Variants in DMBT1 observed in about 807,000 individuals in gnomAD.
DMBT1 encodes deleted in malignant brain tumors 1.
DMBT1 carries 198 observed loss-of-function variants against 252.9 expected under a neutral mutation model. The ratio of observed to expected loss-of-function variants is 0.78; its 90% CI spans 0.70 to 0.88. The LOEUF (loss-of-function observed/expected upper bound fraction) is 0.88. Ranked by LOEUF, DMBT1 falls within the 40% of genes least tolerant of loss-of-function variation. The pLI, the probability that DMBT1 is intolerant of heterozygous loss-of-function variation, is 0.00. For synonymous variants in DMBT1, 990 were observed against 942.7 expected (o/e 1.05, Z -0.92); for missense variants, 2,432 against 2,404.7 (o/e 1.01, Z -0.24).
chr10:122,585,660 CCCA>C (rs1163167196), intron 15 of DMBT1, among the ~76,000 whole-genome samples: 2 of 148,554 alleles, frequency 1.3e-5, no homozygotes, highest in African/African-American at 2.4e-5. Context: ...AGTGAGTGTC[CCCA>C]CACCTGTCTG....
At chr10:122,624,704 G>C (rs1482052260) in intron 44 of DMBT1, among the ~76,000 whole-genome samples, 10 of 152,194 alleles carry the variant, frequency 6.6e-5, no homozygotes, top group Admixed American at 6.5e-4. Flanking sequence ...CCCAGGAAAT[G>C]CCTGGTTTGA....
At chr10:122,634,478 C>T (rs372831166) in intron 52 of DMBT1, among the ~76,000 whole-genome samples, 43 of 50,132 alleles carry the variant, frequency 8.6e-4, no homozygotes, top group African/African-American at 1.5e-3. Flanking sequence ...CTCTCTCTCT[C>T]TCTTTCTCTC....
At chr10:122,628,119 G>T (rs940039789) in intron 46 of DMBT1, among the ~76,000 whole-genome samples, 3 of 152,286 alleles carry the variant, frequency 2.0e-5, no homozygotes, top group East Asian at 3.9e-4. Flanking sequence ...GTGGCTCCTC[G>T]AAAGGTTAGA....
chr10:122,618,911 G>A (rs538291415), intron 41 of DMBT1, among the ~76,000 whole-genome samples: 2 of 152,354 alleles, frequency 1.3e-5, no homozygotes, highest in African/African-American at 4.8e-5. Context: ...GGTGTGGGGA[G>A]GGCAGCCCCC....
chr10:122,620,377 G>C lies in DMBT1; in HGVS notation c.5284+86G>C, dbSNP rs765008807. The stretch of plus-strand genomic sequence containing the variant: ...TTGAAAATGAAAGAATGAGGCTCAA[G>C]CTGGCGCCTCTGTTTTTCATGTTTC... On this transcript the variant is annotated intron_variant, in intron 43 of 55. Coordinates refer to ENST00000338354, the MANE Select transcript of DMBT1 (RefSeq NM_001377530.1). 32 of 1,502,130 alleles carry C rather than the reference G, an allele frequency of 2.1e-5. No individual in the cohort carries two copies. The African/African-American group carries it at 3.2e-4, about 15-fold the overall frequency. The allele number at this position is 1,502,130 out of a possible 1,614,324, so 93.1% of individuals were successfully genotyped here. A position where few individuals can be genotyped will look rare whatever the true frequency, so the allele number is the denominator to read the frequency against.
In DMBT1 at chr10:122,617,806, C is replaced by G. The variant is rs1236375755; in HGVS notation, c.4892-211C>G. Among the ~76,000 whole-genome samples, 2 of 151,568 alleles carry G rather than the reference C, an allele frequency of 1.3e-5. 1 individual carries two copies. The highest frequency in any genetic ancestry group is 4.9e-5 in the African/African-American group (2 of 41,102). ...TTCCAGTGGGGTCACAGGTGCTTCCCCAAAATCTGAGCCTCCATAAACCCA... is the reference window on the plus strand; with the variant it reads ...TTCCAGTGGGGTCACAGGTGCTTCCGCAAAATCTGAGCCTCCATAAACCCA... On this transcript the variant is annotated intron_variant, in intron 40 of 55. Coordinates refer to ENST00000338354, the MANE Select transcript of DMBT1 (RefSeq NM_001377530.1).
chr10:122,632,131 C>T (rs143469489), intron 50 of DMBT1, among the ~76,000 whole-genome samples: 1 of 152,248 alleles, frequency 6.6e-6, no homozygotes, highest in Non-Finnish European at 1.5e-5. Flanking sequence ...TTTGACTGTC[C>T]TCACAGACAC....
Position 122,637,126 on chromosome 10 carries a change from A to G in DMBT1, c.6758-2A>G. On this transcript the variant is annotated splice_acceptor_variant, in intron 53 of 55. Transcript: ENST00000338354. LOFTEE classifies it high-confidence loss of function. ...AGTGCCTTATCTGTCCTTGTCTATC[A>G]GACCTGCTCTGTCTGCCAAATCACA... is the stretch of plus-strand genomic sequence containing the variant. The G allele has an allele frequency of 6.2e-7, 1 of 1,613,462 alleles. No homozygotes were observed. The highest frequency in any genetic ancestry group is 8.5e-7 in the Non-Finnish European group (1 of 1,179,634).
Position 122,641,887 on chromosome 10 carries a change from C to G in DMBT1, c.7353-1235C>G, listed in dbSNP as rs148650728. 4.9e-3 allele frequency among the ~76,000 whole-genome samples: 743 copies of G among 152,296 alleles called. 7 individuals carry two copies. The highest frequency in any genetic ancestry group is 0.017 in the African/African-American group (711 of 41,556). On this transcript the variant is annotated intron_variant, in intron 55 of 55. Transcript: ENST00000338354. Reference sequence around the variant, plus strand: ...GGAAGTCCATTAGAATGACCTGGGGCTCCAAACACACCCTGCCCAGGCCCT... The same window carrying G: ...GGAAGTCCATTAGAATGACCTGGGGGTCCAAACACACCCTGCCCAGGCCCT...
At chr10:122,621,970 G>T (rs2098074408) in intron 44 of DMBT1, among the ~76,000 whole-genome samples, 2 of 152,204 alleles carry the variant, frequency 1.3e-5, no homozygotes, top group South Asian at 2.1e-4. Context: ...CATGAGATCT[G>T]CCAGGCAAAG....
chr10:122,581,004 A>G, intron 11 of DMBT1, 109 bp downstream of exon 11: 3 of 1,499,598 alleles, frequency 2.0e-6, no homozygotes, highest in Non-Finnish European at 2.7e-6. Context: ...TGTGGGGCAT[A>G]TTATTTCCAC....
chr10:122,580,908 T>A lies in DMBT1; in HGVS notation c.1033+13T>A. ...ACACCCAGCCCAGGTAGGTCCCCAG[T>A]GTCCTTCCTCAAAATGTCCCTTCTC... On this transcript the variant is annotated intron_variant, in intron 11 of 55. Transcript: ENST00000338354. 1 of 1,613,758 alleles carries A rather than the reference T, an allele frequency of 6.2e-7. No homozygotes were observed. Among genetic ancestry groups the A allele is most frequent in the South Asian group, 1.1e-5 (1 of 90,988 alleles).
At chr10:122,567,883 A>G (rs943484603) in intron 2 of DMBT1, among the ~76,000 whole-genome samples, 2 of 152,196 alleles carry the variant, frequency 1.3e-5, no homozygotes, top group African/African-American at 2.4e-5. Context: ...TGAGCAAGGA[A>G]TTGAATTGAA....
chr10:122,634,492 T>C (rs75621859), intron 52 of DMBT1, among the ~76,000 whole-genome samples: 2 of 138,466 alleles, frequency 1.4e-5, no homozygotes, highest in Non-Finnish European at 3.1e-5. Context: ...TTCTCTCTTT[T>C]TCTTTCTTTC....
chr10:122,618,252 A>G lies in DMBT1; in HGVS notation c.5127A>G (p.Gly1709=), dbSNP rs2098019433. 1.9e-6 allele frequency: 3 copies of G among 1,613,608 alleles called. No homozygotes were observed. The African/African-American group carries it at 4.0e-5, about 22-fold the overall frequency. ...PIVLDDVRCS[G]HESYLWSCPH... ...TCCTGGATGATGTGCGCTGCTCAGG[A>G]CACGAGTCTTACCTGTGGAGCTGCC... Residue 1709 remains glycine, a synonymous_variant, in exon 41 of 56, where the codon GGA becomes GGG. Coordinates refer to ENST00000338354, the MANE Select transcript of DMBT1 (RefSeq NM_001377530.1).
At chr10:122,564,189 T>C (rs1327654982) in intron 1 of DMBT1, among the ~76,000 whole-genome samples, 1 of 152,220 alleles carries the variant, frequency 6.6e-6, no homozygotes, top group South Asian at 2.1e-4. Context: ...ATTCAGGCTG[T>C]TGAGGCAGGT....
intron 16 of DMBT1, among the ~76,000 whole-genome samples, chr10:122,588,670 G>C (rs1363405488): frequency 6.7e-6 from 1 of 149,060 alleles, no homozygotes; most frequent in East Asian, 2.1e-4. Flanking sequence ...CATCCTGTGT[G>C]TGCCCAGAGT....
At chr10:122,564,228 C>T (rs894619160) in intron 1 of DMBT1, among the ~76,000 whole-genome samples, 2 of 152,146 alleles carry the variant, frequency 1.3e-5, no homozygotes, top group Non-Finnish European at 2.9e-5. Flanking sequence ...ACGGCAAGTC[C>T]TGTCACTGGC....
chr10:122,597,957 C>A lies in DMBT1; in HGVS notation c.2918-17C>A. ...CATCAACTTTAATTCTAGCCTTTGTCTCTGTTGCAATTACAGACACATTGC... is the reference window on the plus strand; with the variant it reads ...CATCAACTTTAATTCTAGCCTTTGTATCTGTTGCAATTACAGACACATTGC... On this transcript the variant is annotated splice_polypyrimidine_tract_variant and intron_variant, in intron 24 of 55. Transcript: ENST00000338354. The A allele has an allele frequency of 6.2e-7, 1 of 1,613,900 alleles. No individual in the cohort carries two copies.
Sources: allele counts gnomAD v4.1 joint callset (sites outside exome capture counted in the v4.1 genomes callset), GRCh38; gene constraint gnomAD v4.1.1; transcripts MANE v1.5; gene names NCBI Gene and HGNC (gene_info 2026-07-23, HGNC 2026-07-21).